Variants in NRG3 observed in about 807,000 individuals in gnomAD.
NRG3 encodes the protein pro-neuregulin-3, membrane-bound isoform.
In NRG3, 31 loss-of-function variants were observed where a neutral mutation model predicts 66.9. That is an observed-to-expected ratio of 0.46 (90% confidence interval 0.35 to 0.63). NRG3 has a LOEUF of 0.63. Ranked by LOEUF, NRG3 falls within the 20% of genes least tolerant of loss-of-function variation. The pLI is 0.00. For missense variants in NRG3, 910 were observed against 878.9 expected, an observed-to-expected ratio of 1.04 and a Z score of -0.45; for synonymous variants, 393 against 359.4, an observed-to-expected ratio of 1.09 and a Z score of -1.06.
intron 1 of NRG3, among the ~76,000 whole-genome samples, chr10:82,145,633 C>A (rs1298886600): frequency 6.6e-6 from 1 of 152,168 alleles, no homozygotes; most frequent in Non-Finnish European, 1.5e-5. Flanking sequence ...TGAAAGAAAT[C>A]AATTGTTGAT....
At chr10:82,122,060 G>A (rs1304301954) in intron 1 of NRG3, among the ~76,000 whole-genome samples, 19 of 152,128 alleles carry the variant, frequency 1.2e-4, no homozygotes, top group Admixed American at 1.2e-3. Context: ...TCATACTGTG[G>A]TTCAGTCTCA....
intron 1 of NRG3, among the ~76,000 whole-genome samples, chr10:81,934,923 C>G (rs1397414284): frequency 6.6e-6 from 1 of 152,158 alleles, no homozygotes; most frequent in African/African-American, 2.4e-5. Context: ...CAGGGCCAAG[C>G]CTCAATTAAC....
chr10:81,915,313 T>C (rs2132801686), intron 1 of NRG3, among the ~76,000 whole-genome samples: 1 of 152,304 alleles, frequency 6.6e-6, no homozygotes, highest in East Asian at 1.9e-4. Flanking sequence ...TATAAAAGCA[T>C]GTGCTCTGCT....
At chr10:82,471,858 C>T (rs1056530407) in intron 2 of NRG3, among the ~76,000 whole-genome samples, 5 of 150,374 alleles carry the variant, frequency 3.3e-5, no homozygotes, top group African/African-American at 1.2e-4. Flanking sequence ...CATTGCACTC[C>T]AGCCTGGGCT....
intron 2 of NRG3, among the ~76,000 whole-genome samples, chr10:82,684,854 C>A (rs2054387510): frequency 6.6e-6 from 1 of 151,978 alleles, no homozygotes; most frequent in African/African-American, 2.4e-5. Context: ...AGAAAAAAAA[C>A]TGACTAAATA....
chr10:82,106,971 C>G (rs756635047), intron 1 of NRG3, among the ~76,000 whole-genome samples: 23 of 152,144 alleles, frequency 1.5e-4, no homozygotes, highest in Non-Finnish European at 2.6e-4. Context: ...TTTCCTTCTC[C>G]ACTTAAAGAA....
At chr10:82,060,884 G>C (rs544877859) in intron 1 of NRG3, among the ~76,000 whole-genome samples, 19 of 152,258 alleles carry the variant, frequency 1.2e-4, no homozygotes, top group Admixed American at 9.8e-4. Flanking sequence ...TCTGACTCTG[G>C]TTGTCTCATT....
At chr10:82,250,350 T>A (rs1171502537) in intron 1 of NRG3, among the ~76,000 whole-genome samples, 1 of 152,150 alleles carries the variant, frequency 6.6e-6, no homozygotes, top group South Asian at 2.1e-4. Context: ...TTTGGGAGGC[T>A]GAGGCAGGTG....
At chr10:82,497,729 T>G (rs903643998) in intron 2 of NRG3, among the ~76,000 whole-genome samples, 1 of 152,136 alleles carries the variant, frequency 6.6e-6, no homozygotes, top group African/African-American at 2.4e-5. Flanking sequence ...TTCTTCCAGA[T>G]GGTGATTTCA....
intron 2 of NRG3, among the ~76,000 whole-genome samples, chr10:82,369,253 G>A (rs1319554320): frequency 7.2e-6 from 1 of 138,480 alleles, no homozygotes; most frequent in East Asian, 2.1e-4. Flanking sequence ...CAGTGGTTCA[G>A]GAATTCAAAC....
chr10:81,953,847 A>G (rs370868350), intron 1 of NRG3, among the ~76,000 whole-genome samples: 1 of 152,168 alleles, frequency 6.6e-6, no homozygotes, highest in Non-Finnish European at 1.5e-5. Flanking sequence ...TATGTTGTCT[A>G]AGCAGGAAGA....
chr10:82,654,430 T>C (rs2051683834), intron 2 of NRG3, among the ~76,000 whole-genome samples: 1 of 152,206 alleles, frequency 6.6e-6, no homozygotes, highest in Non-Finnish European at 1.5e-5. Context: ...AAATAGCAGT[T>C]ATTCTATCCC....
intron 1 of NRG3, among the ~76,000 whole-genome samples, chr10:81,967,099 ATATATT>A (rs1270812437): frequency 1.3e-5 from 2 of 151,778 alleles, no homozygotes; most frequent in Non-Finnish European, 2.9e-5. Context: ...TTATGTTTTG[ATATATT>A]TATATTTTAA....
intron 2 of NRG3, among the ~76,000 whole-genome samples, chr10:82,377,989 G>A (rs994620810): frequency 4.6e-5 from 7 of 152,206 alleles, no homozygotes; most frequent in Non-Finnish European, 8.8e-5. Context: ...GCTAGGAAGT[G>A]AGAACAAATC....
chr10:82,250,984 A>G (rs2077459774), intron 1 of NRG3, among the ~76,000 whole-genome samples: 1 of 152,250 alleles, frequency 6.6e-6, no homozygotes, highest in South Asian at 2.1e-4. Flanking sequence ...CAAGTATTTA[A>G]TAACAACAGA....
chr10:82,789,942 T>C (rs2060518524), intron 3 of NRG3, among the ~76,000 whole-genome samples: 1 of 152,082 alleles, frequency 6.6e-6, no homozygotes, highest in Admixed American at 6.5e-5. Context: ...CTTAAAACAA[T>C]CTAGGATTGA....
At chr10:82,000,761 A>T (rs1054211515) in intron 1 of NRG3, among the ~76,000 whole-genome samples, 6 of 152,176 alleles carry the variant, frequency 3.9e-5, no homozygotes, top group Admixed American at 3.9e-4. Flanking sequence ...TGAGTAGGAA[A>T]TTTACTTAAT....
intron 3 of NRG3, among the ~76,000 whole-genome samples, chr10:82,823,044 T>A (rs2062022547): frequency 6.6e-6 from 1 of 152,150 alleles, no homozygotes; most frequent in Non-Finnish European, 1.5e-5. Context: ...TACTTTTCCT[T>A]CTTCTGCCAG....
intron 2 of NRG3, among the ~76,000 whole-genome samples, chr10:82,733,946 A>C (rs2134682637): frequency 6.6e-6 from 1 of 152,328 alleles, no homozygotes; most frequent in Non-Finnish European, 1.5e-5. Context: ...GGTGGCCAGG[A>C]TAATCACTTT....
Sources: allele counts gnomAD v4.1 joint callset (sites outside exome capture counted in the v4.1 genomes callset), GRCh38; gene constraint gnomAD v4.1.1; transcripts MANE v1.5; gene names NCBI Gene and HGNC (gene_info 2026-07-23, HGNC 2026-07-21).